The following CNTN5 variants were observed in gnomAD, a reference collection of about 807,000 sequenced individuals.
CNTN5 encodes contactin-5.
Under a neutral mutation model 129.1 loss-of-function variants are expected in CNTN5, and 77 were observed. The ratio of observed to expected loss-of-function variants is 0.60; its 90% confidence interval spans 0.50 to 0.72. The LOEUF (loss-of-function observed/expected upper bound fraction) is 0.72, where lower values mean the gene tolerates loss of function less well. Among genes scored for constraint, CNTN5 ranks in the 30% least tolerant of loss-of-function variants. CNTN5 has a pLI of 0.00. For missense variants in CNTN5, 1,478 were observed against 1,328.8 expected, an observed-to-expected ratio of 1.11 and a Z score of -1.75; for synonymous variants, 509 against 465.6, an observed-to-expected ratio of 1.09 and a Z score of -1.20.
At chr11:99,964,013 G>C (rs538373435) in intron 8 of CNTN5, among the ~76,000 whole-genome samples, 299 of 152,262 alleles carry the variant, frequency 2.0e-3, no homozygotes, top group South Asian at 0.012. Context: ...GATTTTGTAT[G>C]CCGAGACTTT....
intron 3 of CNTN5, among the ~76,000 whole-genome samples, chr11:99,637,473 C>G (rs1951605780): frequency 6.6e-6 from 1 of 152,104 alleles, no homozygotes; most frequent in Admixed American, 6.6e-5. Flanking sequence ...TGGGAGAACT[C>G]ACATCCAGCT....
intron 3 of CNTN5, among the ~76,000 whole-genome samples, chr11:99,795,134 T>G (rs1945887837): frequency 6.6e-6 from 1 of 152,228 alleles, no homozygotes; most frequent in South Asian, 2.1e-4. Flanking sequence ...TCATTCTTTT[T>G]TCTTTATTTT....
At chr11:99,615,507 C>T (rs922500411) in intron 3 of CNTN5, among the ~76,000 whole-genome samples, 1 of 152,160 alleles carries the variant, frequency 6.6e-6, no homozygotes, top group African/African-American at 2.4e-5. Flanking sequence ...ATCCCTTCTT[C>T]TGATGATGAC....
intron 6 of CNTN5, among the ~76,000 whole-genome samples, chr11:99,848,956 T>G (rs1472316860): frequency 6.6e-6 from 1 of 152,168 alleles, no homozygotes; most frequent in Non-Finnish European, 1.5e-5. Context: ...CAATGATACT[T>G]TCTAAATCTT....
At chr11:99,966,505 T>C (rs1028855634) in intron 8 of CNTN5, among the ~76,000 whole-genome samples, 1 of 152,088 alleles carries the variant, frequency 6.6e-6, no homozygotes, top group African/African-American at 2.4e-5. Context: ...CCTTGGAGGG[T>C]GTATTGATGG....
chr11:99,328,943 G>A (rs1239869450), intron 2 of CNTN5, among the ~76,000 whole-genome samples: 2 of 151,604 alleles, frequency 1.3e-5, no homozygotes, highest in Non-Finnish European at 2.9e-5. Context: ...TAAATAGAAT[G>A]GCTTAAGTAA....
intron 3 of CNTN5, among the ~76,000 whole-genome samples, chr11:99,694,227 G>C (rs1488280415): frequency 1.3e-5 from 2 of 152,108 alleles, no homozygotes; most frequent in African/African-American, 4.8e-5. Flanking sequence ...CTTCAGGGCT[G>C]TGCAAACTTC....
chr11:99,493,551 T>TG (rs1341162751), intron 2 of CNTN5, among the ~76,000 whole-genome samples: 1 of 152,178 alleles, frequency 6.6e-6, no homozygotes, highest in East Asian at 1.9e-4. Context: ...CAAATATTAA[T>TG]GGAGAAACTT....
chr11:99,273,863 TA>T (rs1317495420), intron 1 of CNTN5, among the ~76,000 whole-genome samples: 1 of 151,724 alleles, frequency 6.6e-6, no homozygotes, highest in African/African-American at 2.4e-5. Context: ...TTCTGTTTTT[TA>T]TCAGTTTTGT....
Position 99,757,926 on chromosome 11 carries a change from G to C in CNTN5, c.56-61618G>C, listed in dbSNP as rs117577174. 8.8e-4 allele frequency among the ~76,000 whole-genome samples: 134 copies of C among 152,090 alleles called. 1 individual carries two copies. The highest frequency in any genetic ancestry group is 7.7e-4 in the East Asian group (4 of 5,180). ...ACAGAAGGTTCTAAAAATAGTAACT[G>C]TTATTATTTTATGATTATTATACAG... On this transcript the variant is annotated intron_variant, in intron 3 of 24. Transcript: ENST00000524871.
At chr11:99,190,591 T>G (rs971548396) in intron 1 of CNTN5, among the ~76,000 whole-genome samples, 2 of 151,362 alleles carry the variant, frequency 1.3e-5, no homozygotes, top group Non-Finnish European at 3.0e-5. Context: ...TGTTTTGTAG[T>G]TTTTTTTAGT....
intron 13 of CNTN5, among the ~76,000 whole-genome samples, chr11:100,168,945 G>C (rs1947740462): frequency 6.6e-6 from 1 of 151,902 alleles, no homozygotes; most frequent in Non-Finnish European, 1.5e-5. Flanking sequence ...GGATGACTCT[G>C]AGGAGTTCAA....
chr11:99,098,127 A>G (rs1866560612), intron 1 of CNTN5, among the ~76,000 whole-genome samples: 1 of 152,118 alleles, frequency 6.6e-6, no homozygotes, highest in Non-Finnish European at 1.5e-5. Context: ...ATAATTAAGC[A>G]GCATTTACCA....
intron 18 of CNTN5, among the ~76,000 whole-genome samples, chr11:100,285,949 G>T (rs960400746): frequency 3.9e-5 from 6 of 152,212 alleles, no homozygotes; most frequent in Admixed American, 2.6e-4. Context: ...CTTGGGAAGC[G>T]CAAGGGGTCA....
intron 2 of CNTN5, among the ~76,000 whole-genome samples, chr11:99,390,430 T>C (rs189498801): frequency 6.6e-6 from 1 of 152,156 alleles, no homozygotes; most frequent in Non-Finnish European, 1.5e-5. Flanking sequence ...TTGTTATTCA[T>C]AAGAAAAAAG....
chr11:99,446,070 G>A (rs1196932624), intron 2 of CNTN5, among the ~76,000 whole-genome samples: 1 of 136,546 alleles, frequency 7.3e-6, no homozygotes, highest in African/African-American at 2.7e-5. Flanking sequence ...GGGGAGAAGA[G>A]CGAGACTTTG....
intron 4 of CNTN5, among the ~76,000 whole-genome samples, chr11:99,825,079 G>A (rs1218524362): frequency 6.6e-6 from 1 of 151,940 alleles, no homozygotes; most frequent in Non-Finnish European, 1.5e-5. Context: ...TTGTCTAATA[G>A]TATGTGTTAG....
At chr11:99,075,946 A>C (rs1458843672) in intron 1 of CNTN5, among the ~76,000 whole-genome samples, 1 of 152,212 alleles carries the variant, frequency 6.6e-6, no homozygotes, top group Non-Finnish European at 1.5e-5. Flanking sequence ...ATATCATTTA[A>C]AATTAAGTAA....
chr11:99,321,880 C>T lies in CNTN5; in HGVS notation c.-209-3466C>T, dbSNP rs188436277. 2.1e-3 allele frequency among the ~76,000 whole-genome samples: 319 copies of T among 152,160 alleles called. 1 individual carries two copies. Among genetic ancestry groups the T allele is most frequent in the Non-Finnish European group, 1.1e-3 (75 of 67,990 alleles). ...CATGCATAACCTCCATCTCTGCCAGCGTGGCCACATTGTTAATGTGTCAGT... is the reference window on the plus strand; with the variant it reads ...CATGCATAACCTCCATCTCTGCCAGTGTGGCCACATTGTTAATGTGTCAGT... On this transcript the variant is annotated intron_variant, in intron 1 of 24. Transcript: ENST00000524871.
Sources: gnomAD v4.1 joint callset for allele counts (sites outside exome capture counted in the v4.1 genomes callset) on GRCh38, gnomAD v4.1.1 for gene constraint, MANE v1.5 for transcripts, NCBI Gene and HGNC (gene_info 2026-07-23, HGNC 2026-07-21) for gene names.